The following PROCR variants were observed in gnomAD, a reference collection of about 807,000 sequenced individuals.
The protein encoded by PROCR is endothelial protein C receptor.
A neutral mutation model predicts 24.2 loss-of-function variants in PROCR; 22 were observed. The ratio of observed to expected loss-of-function variants is 0.91; its 90% CI spans 0.65 to 1.30. PROCR has a LOEUF of 1.30. Among genes scored for constraint, PROCR ranks in the 50% most tolerant of loss-of-function variants. The pLI is 0.00. For synonymous variants in PROCR, 137 were observed against 139.2 expected (o/e 0.98, Z 0.11); for missense variants, 288 against 307.7 (o/e 0.94, Z 0.48).
Position 35,176,822 on chromosome 20 carries a change from C to T in PROCR, c.*9C>T, listed in dbSNP as rs772943998. 6.2e-7 allele frequency: 1 copy of T among 1,613,048 alleles called. No individual in the cohort carries two copies. Among genetic ancestry groups the T allele is most frequent in the Non-Finnish European group, 8.5e-7 (1 of 1,179,616 alleles). On this transcript the variant is annotated 3_prime_UTR_variant, in exon 4 of 4. Transcript: ENST00000216968. ...GTGGACGGCGATGTTAATTACTCTC[C>T]AGCCCCCTCAGAAGGGGCTGGATTG... is the stretch of plus-strand genomic sequence containing the variant.
chr20:35,201,312 T>C (rs540580362), intron 1 of PROCR, among the ~76,000 whole-genome samples: 1 of 152,274 alleles, frequency 6.6e-6, no homozygotes, highest in South Asian at 2.1e-4. Flanking sequence ...TAACAAATTG[T>C]AGACCAAAAT....
intron 2 of PROCR, 111 bp downstream of exon 2, chr20:35,175,064 C>G: frequency 8.0e-7 from 1 of 1,256,230 alleles, no homozygotes; most frequent in Non-Finnish European, 1.0e-6. Flanking sequence ...TGCAGGGACC[C>G]GGCAGCCACT....
rs1462857640 is a variant in PROCR, at chr20:35,175,882, C to T, written c.323-286C>T. ...TTACAGGCGTGAGCTGCCGCCCCTG[C>T]CCCAGCCTCACCCCCTGTTTTTTTT... On this transcript the variant is annotated intron_variant, in intron 2 of 3. Coordinates refer to ENST00000216968, the MANE Select transcript of PROCR (RefSeq NM_006404.5). 2.6e-5 allele frequency among the ~76,000 whole-genome samples: 4 copies of T among 151,420 alleles called. No individual in the cohort carries two copies. The East Asian group carries it at 7.8e-4, about 29-fold the overall frequency.
intron 1 of PROCR, among the ~76,000 whole-genome samples, chr20:35,210,420 G>A (rs1012969535): frequency 3.3e-5 from 5 of 151,710 alleles, no homozygotes; most frequent in Non-Finnish European, 5.9e-5. Context: ...GGTGGCACAC[G>A]CCTGTAGTCT....
At chr20:35,209,343 T>C (rs2146180329) in intron 1 of PROCR, among the ~76,000 whole-genome samples, 1 of 152,292 alleles carries the variant, frequency 6.6e-6, no homozygotes, top group South Asian at 2.1e-4. Context: ...GAAGACATTA[T>C]GAATGGAAAG....
At chr20:35,198,152 C>T (rs1183091875) in intron 1 of PROCR, among the ~76,000 whole-genome samples, 4 of 151,462 alleles carry the variant, frequency 2.6e-5, no homozygotes, top group South Asian at 2.1e-4. Flanking sequence ...ATTAGCTGGG[C>T]ATAGTAGCGG....
intron 1 of PROCR, among the ~76,000 whole-genome samples, chr20:35,197,817 G>A (rs1301504012): frequency 6.7e-5 from 8 of 120,238 alleles, no homozygotes; most frequent in Admixed American, 2.0e-4. Flanking sequence ...GCAAGACTCC[G>A]TCTCAAAAAA....
intron 1 of PROCR, among the ~76,000 whole-genome samples, chr20:35,185,164 G>A (rs2086113485): frequency 1.3e-5 from 2 of 151,802 alleles, no homozygotes; most frequent in South Asian, 2.1e-4. Context: ...TCAGGAAAAT[G>A]CAAATCAAAA....
chr20:35,193,298 C>T (rs1213553591), intron 1 of PROCR, among the ~76,000 whole-genome samples: 1 of 152,132 alleles, frequency 6.6e-6, no homozygotes, highest in East Asian at 1.9e-4. Context: ...GCCACAGCCC[C>T]CCGAGTAGTT....
intron 1 of PROCR, among the ~76,000 whole-genome samples, chr20:35,210,264 G>A (rs946466996): frequency 1.3e-5 from 2 of 151,560 alleles, no homozygotes; most frequent in Non-Finnish European, 2.9e-5. Flanking sequence ...AAAACATTAG[G>A]CCAAGTGCAG....
In PROCR at chr20:35,199,810, T is replaced by A. The variant is rs1054478307; in HGVS notation, c.95-16083T>A. Among the ~76,000 whole-genome samples the A allele has an allele frequency of 4.6e-5, 7 of 151,706 alleles. No individual in the cohort carries two copies. The East Asian group carries it at 1.4e-3, about 29-fold the overall frequency. On this transcript the variant is annotated intron_variant, in intron 1 of 1. Transcript: ENST00000634509. ...CATAGATAGTGATTTCTCTGGATGA[T>A]CTGGGCAAAGTAAACAAAAAGCCTT...
At chr20:35,202,192 C>T (rs2060320894) in intron 1 of PROCR, 1 of 152,028 alleles carries the variant, frequency 6.6e-6, no homozygotes, top group Non-Finnish European at 1.5e-5. Flanking sequence ...TTTAATAAAA[C>T]CACATAAAGC....
At chr20:35,179,834 G>A (rs540572433), downstream of PROCR, among the ~76,000 whole-genome samples, 62 of 152,216 alleles carry the variant, frequency 4.1e-4, no homozygotes, top group Non-Finnish European at 1.6e-4. Context: ...ACCAACTACA[G>A]TATCTATAAA....
chr20:35,207,392 G>GTGTGTATATA (rs1555791832), intron 1 of PROCR, among the ~76,000 whole-genome samples: 2 of 146,032 alleles, frequency 1.4e-5, no homozygotes, highest in African/African-American at 5.1e-5. Context: ...GTATGTTTGT[G>GTGTGTATATA]TATATATATA....
At chr20:35,173,273 C>A (rs2085967866) in intron 1 of PROCR, among the ~76,000 whole-genome samples, 1 of 151,974 alleles carries the variant, frequency 6.6e-6, no homozygotes, top group South Asian at 2.1e-4. Flanking sequence ...TTGGAGACAG[C>A]CAGGTAGTAT....
chr20:35,209,769 T>C (rs1237002973), intron 1 of PROCR, among the ~76,000 whole-genome samples: 1 of 152,158 alleles, frequency 6.6e-6, no homozygotes, highest in Non-Finnish European at 1.5e-5. Context: ...TCTACGATGA[T>C]TTTTTTGGTC....
At chr20:35,173,238 G>A (rs1317892852) in intron 1 of PROCR, among the ~76,000 whole-genome samples, 2 of 151,994 alleles carry the variant, frequency 1.3e-5, no homozygotes, top group Non-Finnish European at 2.9e-5. Flanking sequence ...ATAGCCTAGA[G>A]GAGTCCAGTG....
At chr20:35,184,466 CCGAGGCGGGCAGATCA>C (rs2086105290) in intron 1 of PROCR, among the ~76,000 whole-genome samples, 1 of 152,154 alleles carries the variant, frequency 6.6e-6, no homozygotes, top group Non-Finnish European at 1.5e-5. Context: ...CTTTGGGAGG[CCGAGGCGGGCAGATCA>C]CGAGGTCAGG....
intron 1 of PROCR, among the ~76,000 whole-genome samples, chr20:35,205,690 G>A (rs1432927335): frequency 2.1e-5 from 3 of 146,058 alleles, no homozygotes; most frequent in African/African-American, 7.7e-5. Flanking sequence ...GGTGGAGGTT[G>A]CAGTGAGCCA....
Sources: allele counts gnomAD v4.1 joint callset (sites outside exome capture counted in the v4.1 genomes callset), GRCh38; gene constraint gnomAD v4.1.1; transcripts MANE v1.5; gene names NCBI Gene and HGNC (gene_info 2026-07-23, HGNC 2026-07-21).